TMIGD3: variants seen among roughly 807,000 people sequenced by gnomAD.
TMIGD3 encodes transmembrane and immunoglobulin domain containing 3.
In TMIGD3, 21 loss-of-function variants were observed where a neutral mutation model predicts 28.1. The observed-to-expected ratio is 0.75, with a 90% CI of 0.53 to 1.08. The LOEUF is 1.08. TMIGD3 is among the 50% of genes least tolerant of loss of function. TMIGD3 has a pLI of 0.00. For missense variants in TMIGD3, 416 were observed against 435.6 expected, an observed-to-expected ratio of 0.96 and a Z score of 0.40; for synonymous variants, 151 against 162.1, an observed-to-expected ratio of 0.93 and a Z score of 0.52.
At chr1:111,533,973 G>A (rs189650959) in intron 1 of TMIGD3, among the ~76,000 whole-genome samples, 31 of 152,034 alleles carry the variant, frequency 2.0e-4, no homozygotes, top group Middle Eastern at 3.4e-3. Context: ...TCTATATGTC[G>A]GTTTCTTCAT....
chr1:111,560,733 G>A (rs1312999869), intron 1 of TMIGD3, among the ~76,000 whole-genome samples: 1 of 152,086 alleles, frequency 6.6e-6, no homozygotes, highest in Admixed American at 6.6e-5. Flanking sequence ...TTCAAGTAAT[G>A]CTCCAGCCGC....
At chr1:111,503,938 T>A (rs908532798), upstream of TMIGD3, 11 of 985,292 alleles carry the variant, frequency 1.1e-5, no homozygotes, top group Non-Finnish European at 1.1e-5. Context: ...GCACTGACTA[T>A]GCAATCTTTC....
chr1:111,488,803 T>C lies in TMIGD3; in HGVS notation c.679A>G (p.Lys227Glu). 6.2e-7 allele frequency: 1 copy of C among 1,614,216 alleles called. No individual in the cohort carries two copies. The highest frequency in any genetic ancestry group is 8.5e-7 in the Non-Finnish European group (1 of 1,180,028). The change falls in exon 3 of 6, where the codon AAA becomes GAA. Residue 227 changes from lysine (K) to glutamate (E), a missense_variant. Lys to Glu is a moderately conservative substitution (Grantham distance 56). Coordinates refer to ENST00000369716, the MANE Select transcript of TMIGD3 (RefSeq NM_020683.7). ...QLIVTMSCLT[K>E]EDTGWYWCGI... ...CACCAGTACCAGCCCGTGTCCTCTTTGGTCAGGCAGGACATAGTGACAATG... is the reference window on the plus strand; with the variant it reads ...CACCAGTACCAGCCCGTGTCCTCTTCGGTCAGGCAGGACATAGTGACAATG...
At chr1:111,532,178 C>T (rs1310389599) in intron 1 of TMIGD3, among the ~76,000 whole-genome samples, 1 of 103,398 alleles carries the variant, frequency 9.7e-6, no homozygotes, top group East Asian at 2.9e-4. Flanking sequence ...CAGCTGAAGG[C>T]TTCGGGGAGA....
intron 1 of TMIGD3, among the ~76,000 whole-genome samples, chr1:111,522,067 T>C (rs12040341): frequency 1.3e-5 from 2 of 152,044 alleles, no homozygotes; most frequent in Non-Finnish European, 2.9e-5. Context: ...ATTGACCATA[T>C]ACGTATGGGT....
chr1:111,522,360 C>A (rs1214672789), intron 1 of TMIGD3, among the ~76,000 whole-genome samples: 1 of 152,176 alleles, frequency 6.6e-6, no homozygotes, highest in African/African-American at 2.4e-5. Flanking sequence ...AGAGAATTGC[C>A]AATTCAACAA....
chr1:111,537,750 G>T (rs921030659), intron 1 of TMIGD3, among the ~76,000 whole-genome samples: 1 of 152,198 alleles, frequency 6.6e-6, no homozygotes, highest in African/African-American at 2.4e-5. Flanking sequence ...ATCTCTGAAA[G>T]AGCAATCTTA....
chr1:111,535,664 T>C lies in TMIGD3; in HGVS notation c.107+28182A>G, dbSNP rs901746461. Among the ~76,000 whole-genome samples, 17 of 152,230 alleles carry C rather than the reference T, an allele frequency of 1.1e-4. 1 individual carries two copies. The highest frequency in any genetic ancestry group is 4.4e-5 in the Non-Finnish European group (3 of 68,044). ...TATTGCTCAGCAATCACTGAAAACA[T>C]GTGCCAATGAGGGCCGATAACTCCG... On this transcript the variant is annotated intron_variant, in intron 1 of 5. Transcript: ENST00000369717.
chr1:111,513,682 C>A (rs1655765824), intron 1 of TMIGD3, among the ~76,000 whole-genome samples: 1 of 152,132 alleles, frequency 6.6e-6, no homozygotes. Flanking sequence ...TTCAGCAGGG[C>A]CAACAGAACT....
chr1:111,556,224 C>T (rs1657486480), intron 1 of TMIGD3, among the ~76,000 whole-genome samples: 1 of 152,116 alleles, frequency 6.6e-6, no homozygotes, highest in South Asian at 2.1e-4. Flanking sequence ...TGAGATATCA[C>T]TTTACACTTA....
intron 1 of TMIGD3, among the ~76,000 whole-genome samples, chr1:111,495,108 C>A (rs1162110762): frequency 6.6e-6 from 1 of 152,152 alleles, no homozygotes; most frequent in African/African-American, 2.4e-5. Context: ...GATGAAATGG[C>A]CAAAAGCCAC....
At chr1:111,484,758 T>A (rs1319730839) in intron 5 of TMIGD3, among the ~76,000 whole-genome samples, 1 of 152,258 alleles carries the variant, frequency 6.6e-6, no homozygotes, top group East Asian at 1.9e-4. Flanking sequence ...TTCTGAAATA[T>A]TGTTCTTCTA....
intron 1 of TMIGD3, among the ~76,000 whole-genome samples, chr1:111,516,867 A>AGTTT (rs1655883714): frequency 6.6e-6 from 1 of 152,206 alleles, no homozygotes; most frequent in African/African-American, 2.4e-5. Flanking sequence ...TTGATGGGTA[A>AGTTT]ACCTCTTAAC....
intron 5 of TMIGD3, 97 bp downstream of exon 5, chr1:111,485,643 T>C: frequency 2.1e-6 from 2 of 965,136 alleles, no homozygotes; most frequent in Non-Finnish European, 3.1e-6. Context: ...CCAGGCAATA[T>C]GAAGAGGCTC....
chr1:111,488,123 A>G (rs771891278), intron 3 of TMIGD3, among the ~76,000 whole-genome samples: 1 of 152,058 alleles, frequency 6.6e-6, no homozygotes, highest in Non-Finnish European at 1.5e-5. Flanking sequence ...ATACTATTAA[A>G]TTATTTAAGT....
chr1:111,505,124 CAA>C (rs754473063), upstream of TMIGD3: 10,296 of 102,676 alleles, frequency 0.1, 210 homozygotes, highest in East Asian at 0.14. Flanking sequence ...AGCACTCTGC[CAA>C]AAAAAAAAAA....
At chr1:111,548,360 G>A (rs1414800810) in intron 1 of TMIGD3, among the ~76,000 whole-genome samples, 1 of 152,154 alleles carries the variant, frequency 6.6e-6, no homozygotes, top group Non-Finnish European at 1.5e-5. Flanking sequence ...TGCTTTGATT[G>A]TGCCTTGTCT....
chr1:111,537,980 A>G (rs1656695552), intron 1 of TMIGD3, among the ~76,000 whole-genome samples: 1 of 152,166 alleles, frequency 6.6e-6, no homozygotes, highest in African/African-American at 2.4e-5. Context: ...TTTTTAAAAT[A>G]CTTTCCTTAA....
intron 1 of TMIGD3, among the ~76,000 whole-genome samples, chr1:111,517,415 C>T (rs1228420075): frequency 1.3e-5 from 2 of 151,732 alleles, no homozygotes; most frequent in Non-Finnish European, 2.9e-5. Flanking sequence ...CTCTACATAC[C>T]CCAGGCCATT....
Sources: gnomAD v4.1 joint callset for allele counts (sites outside exome capture counted in the v4.1 genomes callset) on GRCh38, gnomAD v4.1.1 for gene constraint, MANE v1.5 for transcripts, NCBI Gene and HGNC (gene_info 2026-07-23, HGNC 2026-07-21) for gene names.